Variants in CCSER1 observed in about 807,000 individuals in gnomAD.
CCSER1 encodes coiled-coil serine rich protein 1, also known as serine-rich coiled-coil domain-containing protein 1.
CCSER1 carries 41 observed loss-of-function variants against 82.0 expected under a neutral mutation model. The ratio of observed to expected loss-of-function variants is 0.50; its 90% CI spans 0.39 to 0.65. The LOEUF (loss-of-function observed/expected upper bound fraction) is 0.65, where lower values mean the gene tolerates loss of function less well. Among genes scored for constraint, CCSER1 ranks in the 30% least tolerant of loss-of-function variants. The pLI is 0.00. For synonymous variants in CCSER1, 414 were observed against 383.9 expected (o/e 1.08, Z -0.92); for missense variants, 1,119 against 1,064.2 (o/e 1.05, Z -0.72).
At chr4:90,809,187 G>C (rs551311665) in intron 7 of CCSER1, among the ~76,000 whole-genome samples, 1 of 150,382 alleles carries the variant, frequency 6.6e-6, no homozygotes, top group South Asian at 2.1e-4. Flanking sequence ...AGGCATGGTA[G>C]CATATGCCTG....
chr4:90,231,642 A>T (rs1382447861), intron 1 of CCSER1, among the ~76,000 whole-genome samples: 4 of 150,436 alleles, frequency 2.7e-5, no homozygotes, highest in Non-Finnish European at 5.9e-5. Context: ...CAGGAGAAGG[A>T]AATAAAGGGT....
chr4:90,455,113 G>T (rs988467621), intron 4 of CCSER1, among the ~76,000 whole-genome samples: 6 of 152,184 alleles, frequency 3.9e-5, no homozygotes, highest in Admixed American at 2.6e-4. Flanking sequence ...TACAATGTTG[G>T]CAAAGGTCCG....
chr4:90,935,036 A>C (rs1439613557), intron 9 of CCSER1, among the ~76,000 whole-genome samples: 1 of 151,898 alleles, frequency 6.6e-6, no homozygotes, highest in African/African-American at 2.4e-5. Context: ...ATATGTATAT[A>C]TGTGTGTGTG....
chr4:91,377,884 T>C (rs1750552887), intron 10 of CCSER1, among the ~76,000 whole-genome samples: 1 of 152,214 alleles, frequency 6.6e-6, no homozygotes, highest in Non-Finnish European at 1.5e-5. Context: ...TGGTTTTAGG[T>C]CTAACATTTA....
At chr4:90,405,967 TGCAGGCAACAAATA>T (rs1390253823) in intron 4 of CCSER1, among the ~76,000 whole-genome samples, 1 of 151,254 alleles carries the variant, frequency 6.6e-6, no homozygotes, top group Admixed American at 6.6e-5. Flanking sequence ...AAAAAAAGTA[TGCAGGCAACAAATA>T]GCATGATGAA....
At chr4:91,574,150 A>C (rs1188792946) in intron 10 of CCSER1, among the ~76,000 whole-genome samples, 1 of 152,160 alleles carries the variant, frequency 6.6e-6, no homozygotes, top group Non-Finnish European at 1.5e-5. Flanking sequence ...GAAAAAAAGC[A>C]ATTCAACAAT....
At position 90,331,882 on chromosome 4, in the gene CCSER1, C is replaced by T. The variant is rs113185968; in HGVS notation, c.1509+18835C>T. Reference sequence around the variant, plus strand: ...CATTTGTTCAGATAATCTGTTTCCACGAATTGTCAGATTCACAAAACAGAA... The same window carrying T: ...CATTTGTTCAGATAATCTGTTTCCATGAATTGTCAGATTCACAAAACAGAA... On this transcript the variant is annotated intron_variant, in intron 3 of 10. Transcript: ENST00000509176. 8.0e-3 allele frequency among the ~76,000 whole-genome samples: 1,212 copies of T among 151,516 alleles called. 10 individuals are homozygous for T. Among genetic ancestry groups the T allele is most frequent in the African/African-American group, 0.013 (551 of 41,274 alleles).
At chr4:90,337,605 TGTA>T (rs1419070390) in intron 3 of CCSER1, among the ~76,000 whole-genome samples, 1 of 128,702 alleles carries the variant, frequency 7.8e-6, no homozygotes, top group Non-Finnish European at 1.6e-5. Context: ...AATATGCTAA[TGTA>T]GTTGTTTTTA....
At position 91,297,345 on chromosome 4, in the gene CCSER1, C is replaced by A. The variant is rs115087830; in HGVS notation, c.2217+211351C>A. Among the ~76,000 whole-genome samples the A allele has an allele frequency of 1.6e-3, 234 of 150,000 alleles. 3 individuals are homozygous for A. The highest frequency in any genetic ancestry group is 2.1e-3 in the Non-Finnish European group (139 of 67,508). ...AGTAAAAAGCCAAGAATGTTCTGCT[C>A]ACCTGAGGAGAATGGATGCTTGTGT... On this transcript the variant is annotated intron_variant, in intron 10 of 10. Transcript: ENST00000509176.
Position 91,518,971 on chromosome 4 carries a change from G to A in CCSER1, c.2218-79601G>A, listed in dbSNP as rs187387022. ...GCTGCAGTGTGTGGGAGGTTCCAGC[G>A]TATTGACTAGGTCCTTTATTCTTTC... On this transcript the variant is annotated intron_variant, in intron 10 of 10. Coordinates refer to ENST00000509176, the MANE Select transcript of CCSER1 (RefSeq NM_001145065.2). 3.0e-3 allele frequency among the ~76,000 whole-genome samples: 456 copies of A among 152,300 alleles called. 5 individuals are homozygous for A. Among genetic ancestry groups the A allele is most frequent in the Middle Eastern group, 3.4e-3 (1 of 294 alleles).
chr4:91,017,393 CA>C (rs1276380836), intron 9 of CCSER1: 4 of 152,178 alleles, frequency 2.6e-5, no homozygotes, highest in African/African-American at 9.6e-5. Context: ...TGAATTTATG[CA>C]GGAAAAGTAT....
At chr4:90,718,693 A>T (rs1742126449) in intron 6 of CCSER1, among the ~76,000 whole-genome samples, 2 of 152,196 alleles carry the variant, frequency 1.3e-5, no homozygotes, top group Non-Finnish European at 2.9e-5. Flanking sequence ...AAAAGCTCTG[A>T]TAAAAACTCA....
chr4:90,898,363 A>G (rs906673173), intron 8 of CCSER1, among the ~76,000 whole-genome samples: 3 of 143,272 alleles, frequency 2.1e-5, no homozygotes. Flanking sequence ...GCTCACTGCA[A>G]ACTCTAAGTT....
chr4:90,683,730 A>G (rs1734298793), intron 6 of CCSER1, among the ~76,000 whole-genome samples: 1 of 152,070 alleles, frequency 6.6e-6, no homozygotes, highest in African/African-American at 2.4e-5. Context: ...TAGCATACCT[A>G]TTTAAATCAA....
At chr4:91,073,364 A>T (rs899410169) in intron 9 of CCSER1, among the ~76,000 whole-genome samples, 2 of 152,146 alleles carry the variant, frequency 1.3e-5, no homozygotes, top group African/African-American at 4.8e-5. Context: ...TCTTTAAACT[A>T]TGTTTATTAA....
intron 10 of CCSER1, among the ~76,000 whole-genome samples, chr4:91,184,124 A>G (rs997124610): frequency 2.0e-5 from 3 of 152,198 alleles, no homozygotes; most frequent in Non-Finnish European, 2.9e-5. Flanking sequence ...ATAACATTGG[A>G]GTAATATTTC....
intron 5 of CCSER1, among the ~76,000 whole-genome samples, chr4:90,537,974 C>T (rs946986429): frequency 3.9e-5 from 6 of 152,100 alleles, no homozygotes; most frequent in Non-Finnish European, 2.9e-5. Flanking sequence ...ATTGCATCTA[C>T]TGTATCTCTT....
At chr4:91,403,802 T>TTTTATTGAGGA (rs1752501721) in intron 10 of CCSER1, among the ~76,000 whole-genome samples, 1 of 152,172 alleles carries the variant, frequency 6.6e-6, no homozygotes, top group Non-Finnish European at 1.5e-5. Context: ...TTTGCCAGTA[T>TTTTATTGAGGA]TTTATTGAGG....
intron 7 of CCSER1, among the ~76,000 whole-genome samples, chr4:90,753,146 A>G (rs1296768700): frequency 6.6e-6 from 1 of 152,144 alleles, no homozygotes; most frequent in East Asian, 1.9e-4. Context: ...AAAGAACAGT[A>G]AATTTATAGA....
Sources: allele counts gnomAD v4.1 joint callset (sites outside exome capture counted in the v4.1 genomes callset), GRCh38; gene constraint gnomAD v4.1.1; transcripts MANE v1.5; gene names NCBI Gene and HGNC (gene_info 2026-07-23, HGNC 2026-07-21).